Variants in TCF20 observed in about 807,000 individuals in gnomAD.
TCF20 encodes transcription factor 20, also known as SPRE-binding protein.
Under a neutral mutation model 148.6 loss-of-function variants are expected in TCF20, and 3 were observed. The ratio of observed to expected loss-of-function variants is 0.02; its 90% confidence interval spans 0.01 to 0.05. The LOEUF is 0.05. Among genes scored for constraint, TCF20 ranks in the 10% least tolerant of loss-of-function variants. TCF20 has a pLI of 1.00. For missense variants in TCF20, 2,350 were observed against 2,429.3 expected, an observed-to-expected ratio of 0.97 and a Z score of 0.69; for synonymous variants, 1,049 against 909.5, an observed-to-expected ratio of 1.15 and a Z score of -2.76.
intron 1 of TCF20, among the ~76,000 whole-genome samples, chr22:42,255,909 C>T (rs1469116578): frequency 1.3e-5 from 2 of 152,132 alleles, no homozygotes; most frequent in African/African-American, 4.8e-5. Flanking sequence ...ACTATTAGGC[C>T]CACGCTCCCT....
rs138058190 is a variant in TCF20, at chr22:42,294,812, G to A, written c.-37+48667C>T. Among the ~76,000 whole-genome samples, 8 of 152,378 alleles carry A rather than the reference G, an allele frequency of 5.3e-5. No homozygotes were observed. The East Asian group carries it at 9.6e-4, about 18-fold the overall frequency. ...ACGCCTGGACTGTCCAACTGCAGCA[G>A]GTGCAGGCGGAGTGCCTGGCAGCCT... On this transcript the variant is annotated intron_variant, in intron 1 of 1. Transcript: ENST00000515426.
intron 1 of TCF20, among the ~76,000 whole-genome samples, chr22:42,300,422 C>T (rs907688761): frequency 6.6e-6 from 1 of 152,124 alleles, no homozygotes; most frequent in Admixed American, 6.5e-5. Context: ...CCACATGGGC[C>T]AAATAGAGCA....
intron 5 of TCF20, among the ~76,000 whole-genome samples, chr22:42,165,061 G>A (rs2147038602): frequency 6.6e-6 from 1 of 152,352 alleles, no homozygotes; most frequent in Non-Finnish European, 1.5e-5. Flanking sequence ...TGGCTGCTGA[G>A]CAGTGGCAGG....
chr22:42,212,823 G>A lies in TCF20; in HGVS notation c.2483C>T (p.Ala828Val), dbSNP rs560419170. 114 of 1,614,222 alleles carry A rather than the reference G, an allele frequency of 7.1e-5. No individual in the cohort carries two copies. The South Asian group carries it at 1.2e-3, about 17-fold the overall frequency. ...CAAATTGATCTGTTTCATTTCAGGAGCTGTGCTGCTTGATTTCCTTTCCCA... is the reference window on the plus strand; with the variant it reads ...CAAATTGATCTGTTTCATTTCAGGAACTGTGCTGCTTGATTTCCTTTCCCA... Reference protein sequence around the residue: ...GPWERKSSSTAPEMKQINLTD... With the variant: ...GPWERKSSSTVPEMKQINLTD... The change falls in exon 2 of 6, where the codon GCT becomes GTT. Residue 828 changes from alanine to valine, a missense_variant. Ala to Val is a moderately conservative substitution (Grantham distance 64). This residue lies in a region of TCF20 where 1,641 missense variants were observed against 1,662.6 expected (regional missense o/e 0.99). Coordinates refer to ENST00000677622, the MANE Select transcript of TCF20 (RefSeq NM_001378418.1).
intron 1 of TCF20, among the ~76,000 whole-genome samples, chr22:42,264,394 A>T (rs990294420): frequency 2.4e-4 from 37 of 152,092 alleles, no homozygotes; most frequent in African/African-American, 7.0e-4. Flanking sequence ...ATGATTTTTT[A>T]AAAAAAGCAG....
intron 1 of TCF20, among the ~76,000 whole-genome samples, chr22:42,314,018 G>A (rs571115005): frequency 2.0e-5 from 3 of 152,176 alleles, no homozygotes; most frequent in African/African-American, 4.8e-5. Context: ...TCAGTGCAAC[G>A]GCAGGTGCTC....
intron 1 of TCF20, among the ~76,000 whole-genome samples, chr22:42,252,514 C>A (rs1601664835): frequency 6.6e-6 from 1 of 152,178 alleles, no homozygotes; most frequent in African/African-American, 2.4e-5. Context: ...TGCAGTGGCA[C>A]ATCTCGACTC....
At chr22:42,283,881 G>A (rs1188434963) in exon 1 of TCF20, among the ~76,000 whole-genome samples, 1 of 152,222 alleles carries the variant, frequency 6.6e-6, no homozygotes. Flanking sequence ...CCAGCCCGGC[G>A]ACCACGGGGG....
In TCF20 at chr22:42,214,326, T is replaced by C; in HGVS notation, c.980A>G (p.His327Arg). The C allele has an allele frequency of 6.2e-7, 1 of 1,614,212 alleles. No homozygotes were observed. The highest frequency in any genetic ancestry group is 1.3e-5 in the African/African-American group (1 of 75,056). ...QPQQQQHPSQ[H>R]VMQYTNAATK... The stretch of plus-strand genomic sequence containing the variant: ...GGCAGCGTTAGTATACTGCATCACA[T>C]GCTGAGAAGGGTGTTGTTGTTGCTG... The change falls in exon 2 of 6, where the codon CAT becomes CGT. Residue 327 changes from histidine (H) to arginine (R), a missense_variant. Transcript: ENST00000677622.
intron 1 of TCF20, among the ~76,000 whole-genome samples, chr22:42,263,790 C>T (rs973478553): frequency 6.6e-5 from 10 of 152,218 alleles, no homozygotes; most frequent in Middle Eastern, 3.4e-3. Context: ...TTTTCCTAAG[C>T]GAGTACATTA....
chr22:42,173,169 G>A (rs1936232557), intron 3 of TCF20, among the ~76,000 whole-genome samples: 1 of 150,772 alleles, frequency 6.6e-6, no homozygotes. Context: ...ACGCACAGTG[G>A]AATTATTAAT....
At chr22:42,250,406 A>G (rs557718758) in intron 1 of TCF20, among the ~76,000 whole-genome samples, 1 of 145,350 alleles carries the variant, frequency 6.9e-6, no homozygotes, top group African/African-American at 2.5e-5. Context: ...AGACCACACC[A>G]TTGCACTTCA....
At chr22:42,302,832 G>C (rs1229276055) in intron 1 of TCF20, among the ~76,000 whole-genome samples, 1 of 152,180 alleles carries the variant, frequency 6.6e-6, no homozygotes, top group Non-Finnish European at 1.5e-5. Context: ...GCAACTTCAG[G>C]CTGGGACCCC....
intron 1 of TCF20, among the ~76,000 whole-genome samples, chr22:42,298,297 G>A (rs1036961054): frequency 1.3e-5 from 2 of 152,234 alleles, no homozygotes; most frequent in African/African-American, 4.8e-5. Flanking sequence ...GGTGCTCCTG[G>A]AGAGAGGGTA....
At chr22:42,227,008 C>T (rs764694946) in intron 1 of TCF20, among the ~76,000 whole-genome samples, 18 of 152,124 alleles carry the variant, frequency 1.2e-4, no homozygotes, top group African/African-American at 2.9e-4. Flanking sequence ...TAAGACTGGG[C>T]GTGGTGGCTC....
At chr22:42,177,427 T>A (rs1936517299) in intron 3 of TCF20, among the ~76,000 whole-genome samples, 1 of 151,942 alleles carries the variant, frequency 6.6e-6, no homozygotes, top group South Asian at 2.1e-4. Context: ...AAAAGAAAAG[T>A]AAAAAACTTA....
At chr22:42,241,344 A>T (rs1924382643) in intron 1 of TCF20, among the ~76,000 whole-genome samples, 1 of 152,234 alleles carries the variant, frequency 6.6e-6, no homozygotes, top group South Asian at 2.1e-4. Flanking sequence ...AAGGAACTCC[A>T]AATACTGGAG....
chr22:42,203,332 C>T (rs1450745119), intron 2 of TCF20, among the ~76,000 whole-genome samples: 1 of 152,046 alleles, frequency 6.6e-6, no homozygotes, highest in African/African-American at 2.4e-5. Flanking sequence ...ATCGTGTACT[C>T]CTTATAAATT....
intron 1 of TCF20, among the ~76,000 whole-genome samples, chr22:42,313,618 G>C (rs1324237085): frequency 3.6e-5 from 1 of 28,018 alleles, no homozygotes; most frequent in African/African-American, 1.4e-4. Flanking sequence ...TTTTTTTTTT[G>C]AGACAGAGTC....
Sources: allele counts gnomAD v4.1 joint callset (sites outside exome capture counted in the v4.1 genomes callset), GRCh38; gene constraint gnomAD v4.1.1; regional missense constraint gnomAD v4.1.1; transcripts MANE v1.5; gene names NCBI Gene and HGNC (gene_info 2026-07-23, HGNC 2026-07-21).